TANC2: variants seen among roughly 807,000 people sequenced by gnomAD.
TANC2 encodes the protein protein TANC2.
TANC2 carries 26 observed loss-of-function variants against 210.5 expected under a neutral mutation model. That is an observed-to-expected ratio of 0.12 (90% CI 0.09 to 0.17). TANC2 has a LOEUF of 0.17. Among genes scored for constraint, TANC2 ranks in the 10% least tolerant of loss-of-function variants. TANC2 has a pLI of 1.00. For missense variants in TANC2, 2,129 were observed against 2,608.9 expected, an observed-to-expected ratio of 0.82 and a Z score of 4.01; for synonymous variants, 931 against 967.1, an observed-to-expected ratio of 0.96 and a Z score of 0.69.
At chr17:63,340,946 T>C (rs2046209445) in intron 12 of TANC2, among the ~76,000 whole-genome samples, 1 of 152,224 alleles carries the variant, frequency 6.6e-6, no homozygotes, top group Non-Finnish European at 1.5e-5. Flanking sequence ...CCCTTTTTCC[T>C]CTGCAGTTCT....
At chr17:63,262,053 T>G (rs973380800) in intron 8 of TANC2, among the ~76,000 whole-genome samples, 1 of 152,208 alleles carries the variant, frequency 6.6e-6, no homozygotes, top group African/African-American at 2.4e-5. Flanking sequence ...AAACTTGTAT[T>G]TATAAAATAA....
chr17:63,267,615 A>T lies in TANC2; in HGVS notation c.1034-133A>T, dbSNP rs1053216134. The T allele has an allele frequency of 3.7e-4, 272 of 741,808 alleles. 1 individual carries two copies. Among genetic ancestry groups the T allele is most frequent in the Non-Finnish European group, 4.7e-4 (233 of 491,122 alleles). The allele number at this position is 741,808 out of a possible 1,614,324, so 46.0% of individuals were successfully genotyped here. A position where few individuals can be genotyped will look rare whatever the true frequency, so the allele number is the denominator to read the frequency against. Reference sequence around the variant, plus strand: ...TAAAGGCATAAAATACATGTATTTTATATATATTACATATTTTGCATATAT... The same window carrying T: ...TAAAGGCATAAAATACATGTATTTTTTATATATTACATATTTTGCATATAT... On this transcript the variant is annotated intron_variant, in intron 8 of 27. Coordinates refer to ENST00000689528, the Ensembl canonical transcript of TANC2.
intron 20 of TANC2, among the ~76,000 whole-genome samples, chr17:63,405,642 T>C (rs975280267): frequency 1.3e-5 from 2 of 152,188 alleles, no homozygotes; most frequent in Non-Finnish European, 2.9e-5. Flanking sequence ...ACAATCCTTT[T>C]AGATGTTTGG....
intron 4 of TANC2, among the ~76,000 whole-genome samples, chr17:63,122,807 CTTTAATATT>C (rs1353365518): frequency 1.3e-5 from 2 of 152,092 alleles, no homozygotes; most frequent in Admixed American, 1.3e-4. Flanking sequence ...TTATACTTTG[CTTTAATATT>C]TTAAAGATGA....
chr17:63,020,178 T>G (rs2034288135), intron 2 of TANC2, among the ~76,000 whole-genome samples: 1 of 152,258 alleles, frequency 6.6e-6, no homozygotes, highest in African/African-American at 2.4e-5. Context: ...TCCGCCTGCC[T>G]TGGCCTCCCA....
intron 2 of TANC2, among the ~76,000 whole-genome samples, chr17:63,054,317 A>G (rs571176188): frequency 1.3e-5 from 2 of 152,280 alleles, no homozygotes; most frequent in South Asian, 4.1e-4. Context: ...TTATGTAGCC[A>G]TGGAATATTT....
chr17:63,004,831 T>C (rs1460640694), intron 1 of TANC2: 4 of 309,706 alleles, frequency 1.3e-5, no homozygotes, highest in South Asian at 3.1e-5. Flanking sequence ...ACCAAGGGCC[T>C]TTTTTGGCTT....
At chr17:63,328,320 T>C (rs2045719224) in intron 11 of TANC2, among the ~76,000 whole-genome samples, 1 of 151,910 alleles carries the variant, frequency 6.6e-6, no homozygotes, top group Admixed American at 6.6e-5. Context: ...TTTCTGAACC[T>C]AAAATAAAAG....
At chr17:63,025,816 T>TAAAATTAAAATAAAA (rs1188831436) in intron 2 of TANC2, among the ~76,000 whole-genome samples, 44 of 107,886 alleles carry the variant, frequency 4.1e-4, no homozygotes, top group African/African-American at 2.3e-3. Flanking sequence ...TAAAATAAAA[T>TAAAATTAAAATAAAA]TAAATTAAAA....
intron 4 of TANC2, among the ~76,000 whole-genome samples, chr17:63,124,021 G>A (rs562501380): frequency 3.3e-5 from 5 of 152,200 alleles, no homozygotes; most frequent in East Asian, 3.9e-4. Context: ...TTTAGGATGC[G>A]AATTGAACAA....
At chr17:63,136,488 C>T (rs2039093436) in intron 4 of TANC2, among the ~76,000 whole-genome samples, 1 of 152,148 alleles carries the variant, frequency 6.6e-6, no homozygotes, top group African/African-American at 2.4e-5. Context: ...AATATCTACA[C>T]AAATGTAAAC....
At chr17:63,297,604 C>T (rs1366166693) in intron 9 of TANC2, among the ~76,000 whole-genome samples, 1 of 152,028 alleles carries the variant, frequency 6.6e-6, no homozygotes, top group Non-Finnish European at 1.5e-5. Flanking sequence ...CTGTAAGACT[C>T]TTAGAAAAAG....
At chr17:63,204,855 C>T (rs999977096) in intron 7 of TANC2, among the ~76,000 whole-genome samples, 15 of 152,220 alleles carry the variant, frequency 9.9e-5, no homozygotes, top group Middle Eastern at 6.8e-3. Flanking sequence ...GAAGCCAAGG[C>T]AGACGGATCA....
intron 8 of TANC2, among the ~76,000 whole-genome samples, chr17:63,261,438 A>G (rs183380381): frequency 1.4e-4 from 21 of 152,290 alleles, no homozygotes; most frequent in African/African-American, 4.6e-4. Context: ...TTACATCTCC[A>G]TGAAGGGGAT....
chr17:63,405,370 GGTTT>G, intron 20 of TANC2, 115 bp downstream of exon 20: 7 of 1,210,036 alleles, frequency 5.8e-6, no homozygotes, highest in Non-Finnish European at 7.7e-6. Context: ...GCAGTGATCA[GGTTT>G]GAGGACTTGG....
chr17:62,971,338 TTC>T (rs1221624562), intron 1 of TANC2, among the ~76,000 whole-genome samples: 2 of 152,162 alleles, frequency 1.3e-5, no homozygotes, highest in Non-Finnish European at 2.9e-5. Flanking sequence ...TCCCTTTCTT[TTC>T]TCTTTTCAAG....
At chr17:63,252,508 T>C (rs1360030875) in intron 8 of TANC2, among the ~76,000 whole-genome samples, 1 of 152,120 alleles carries the variant, frequency 6.6e-6, no homozygotes, top group Admixed American at 6.6e-5. Context: ...TATATTTTTG[T>C]ACCTTTTGAC....
chr17:63,209,999 A>G (rs1296636507), intron 7 of TANC2, among the ~76,000 whole-genome samples: 1 of 152,180 alleles, frequency 6.6e-6, no homozygotes, highest in Non-Finnish European at 1.5e-5. Context: ...TGTAGTTATG[A>G]TACATTTTTA....
At chr17:63,012,957 G>GA (rs1247441960) in intron 2 of TANC2, among the ~76,000 whole-genome samples, 4 of 152,082 alleles carry the variant, frequency 2.6e-5, no homozygotes, top group Non-Finnish European at 5.9e-5. Context: ...ACCTGGCCAA[G>GA]AAGACTCTTT....
Sources: gnomAD v4.1 joint callset for allele counts (sites outside exome capture counted in the v4.1 genomes callset) on GRCh38, gnomAD v4.1.1 for gene constraint, MANE v1.5 for transcripts, NCBI Gene and HGNC (gene_info 2026-07-23, HGNC 2026-07-21) for gene names.